The following RALGAPA1 variants were observed in gnomAD, a reference collection of about 807,000 sequenced individuals.
The protein encoded by RALGAPA1 is Ral GTPase activating protein catalytic subunit alpha 1.
A neutral mutation model predicts 269.6 loss-of-function variants in RALGAPA1; 52 were observed. That is an observed-to-expected ratio of 0.19 (90% confidence interval 0.15 to 0.24). RALGAPA1 has a LOEUF of 0.24. Among genes scored for constraint, RALGAPA1 ranks in the 10% least tolerant of loss-of-function variants. The probability of loss-of-function intolerance (pLI) is 1.00; values close to 1 mark genes in which losing one functional copy is unlikely to be tolerated. For missense variants in RALGAPA1, 1,917 were observed against 3,013.9 expected, an observed-to-expected ratio of 0.64 and a Z score of 8.52; for synonymous variants, 817 against 1,008.3, an observed-to-expected ratio of 0.81 and a Z score of 3.60.
intron 3 of RALGAPA1, among the ~76,000 whole-genome samples, chr14:35,771,636 T>C (rs1010550149): frequency 6.6e-6 from 1 of 152,192 alleles, no homozygotes; most frequent in Non-Finnish European, 1.5e-5. Context: ...ATATTTAAAA[T>C]GCTTATTTAC....
intron 4 of RALGAPA1, among the ~76,000 whole-genome samples, chr14:35,769,051 T>C (rs576946211): frequency 4.6e-5 from 5 of 108,282 alleles, no homozygotes; most frequent in Non-Finnish European, 7.1e-5. Context: ...TATATATATA[T>C]ATATATATAT....
intron 10 of RALGAPA1, among the ~76,000 whole-genome samples, chr14:35,745,589 C>A (rs1265374944): frequency 6.6e-6 from 1 of 151,338 alleles, no homozygotes; most frequent in Non-Finnish European, 1.5e-5. Flanking sequence ...CATGGTGAAA[C>A]CCCATCTCTA....
In RALGAPA1 at chr14:35,756,871, G is replaced by A; in HGVS notation, c.585C>T (p.Pro195=). 6.2e-7 allele frequency: 1 copy of A among 1,610,936 alleles called. No homozygotes were observed. Among genetic ancestry groups the A allele is most frequent in the Non-Finnish European group, 8.5e-7 (1 of 1,178,484 alleles). Residue 195 remains proline (P), a synonymous_variant, in exon 7 of 42, where the codon CCC becomes CCT. Coordinates refer to ENST00000680220, the MANE Select transcript of RALGAPA1 (RefSeq NM_001346249.2). The stretch of plus-strand genomic sequence containing the variant: ...CTTGCCCTTTATCTCCTGATTGTGG[G>A]GGGACAAGAGGAGTGATTTCTTCTA... ...VTIEEITPLV[P]PQSGDKGQED... is the part of the protein sequence containing the mutation.
At position 35,612,728 on chromosome 14, in the gene RALGAPA1, T is replaced by C. The variant is rs568257798; in HGVS notation, c.6930-7019A>G. Among the ~76,000 whole-genome samples, 27 of 152,056 alleles carry C rather than the reference T, an allele frequency of 1.8e-4. 1 individual carries two copies. Among genetic ancestry groups the C allele is most frequent in the South Asian group, 1.0e-3 (5 of 4,812 alleles). ...TAATTTTTTGTATTTTTAGTAGAGA[T>C]GGGGTTTCACCATGTTAGCCAGGAT... is the stretch of plus-strand genomic sequence containing the variant. On this transcript the variant is annotated intron_variant, in intron 35 of 41. Transcript: ENST00000680220.
chr14:35,759,154 T>C (rs566767001), intron 6 of RALGAPA1, among the ~76,000 whole-genome samples: 3 of 152,318 alleles, frequency 2.0e-5, no homozygotes, highest in African/African-American at 7.2e-5. Context: ...TAAATAAGCA[T>C]GCATATGTAG....
intron 7 of RALGAPA1, among the ~76,000 whole-genome samples, chr14:35,752,598 C>A (rs1285207992): frequency 6.6e-6 from 1 of 151,938 alleles, no homozygotes; most frequent in African/African-American, 2.4e-5. Context: ...GTACAGTAAC[C>A]CAGTGGTGAC....
intron 26 of RALGAPA1, among the ~76,000 whole-genome samples, chr14:35,670,752 G>A (rs2064339949): frequency 6.6e-6 from 1 of 151,978 alleles, no homozygotes; most frequent in African/African-American, 2.4e-5. Flanking sequence ...GTGAAACCCC[G>A]TCACTACTAA....
At position 35,688,496 on chromosome 14, in the gene RALGAPA1, G is replaced by A; in HGVS notation, c.3915C>T (p.Tyr1305=). 1 of 1,536,088 alleles carries A rather than the reference G, an allele frequency of 6.5e-7. No homozygotes were observed. Among genetic ancestry groups the A allele is most frequent in the East Asian group, 2.4e-5 (1 of 40,918 alleles). The change falls in exon 18 of 42, where the codon TAC becomes TAT. Residue 1305 remains tyrosine (Y), a synonymous_variant. Transcript: ENST00000680220. The part of the protein sequence containing the change: ...MPPEAPLRDL[Y]SHVMGYFGRK... ...TTCCAAAATAGCCCATTACATGACT[G>A]TACAGATCCCTCAGTGGAGCCTCTG...
intron 4 of RALGAPA1, chr14:35,766,032 C>A (rs1453339301): frequency 6.5e-6 from 9 of 1,377,206 alleles, no homozygotes; most frequent in Non-Finnish European, 9.3e-6. Flanking sequence ...TTCAGACTGG[C>A]TGATAACTGG....
intron 39 of RALGAPA1, among the ~76,000 whole-genome samples, chr14:35,554,033 G>T (rs932987164): frequency 1.3e-5 from 2 of 152,134 alleles, no homozygotes; most frequent in Non-Finnish European, 2.9e-5. Context: ...GTAAGCACAG[G>T]AAGAGGGAGT....
intron 10 of RALGAPA1, among the ~76,000 whole-genome samples, chr14:35,746,286 G>A (rs761448060): frequency 1.3e-5 from 2 of 152,136 alleles, no homozygotes; most frequent in Non-Finnish European, 2.9e-5. Flanking sequence ...TGATCAAAAT[G>A]TACAAAGGTT....
At chr14:35,738,116 A>G (rs993702125) in intron 12 of RALGAPA1, among the ~76,000 whole-genome samples, 7 of 151,938 alleles carry the variant, frequency 4.6e-5, no homozygotes, top group African/African-American at 7.3e-5. Flanking sequence ...TCACTGTAGT[A>G]CTATTTGGAA....
At chr14:35,650,951 T>C (rs918415648) in intron 31 of RALGAPA1, among the ~76,000 whole-genome samples, 8 of 151,632 alleles carry the variant, frequency 5.3e-5, no homozygotes, top group African/African-American at 2.0e-4. Context: ...AGGAATTACA[T>C]TTTTCATGTG....
In RALGAPA1 at chr14:35,549,234, G is replaced by A; in HGVS notation, c.7497C>T (p.Phe2499=). 1 of 1,610,692 alleles carries A rather than the reference G, an allele frequency of 6.2e-7. No individual in the cohort carries two copies. The highest frequency in any genetic ancestry group is 8.5e-7 in the Non-Finnish European group (1 of 1,177,864). The change falls in exon 40 of 42, where the codon TTC becomes TTT. Residue 2499 remains phenylalanine (F), a splice_region_variant and synonymous_variant. Coordinates refer to ENST00000680220, the MANE Select transcript of RALGAPA1 (RefSeq NM_001346249.2). ...LKSLIPLYQN[F]YEERARYLQT... is the part of the protein sequence containing the mutation. ...GCAGGTATCGTGCTCTCTCCTCATAGCTGATTTCCTTTGGTTAAGGATAAA... is the reference window on the plus strand; with the variant it reads ...GCAGGTATCGTGCTCTCTCCTCATAACTGATTTCCTTTGGTTAAGGATAAA...
chr14:35,559,368 T>C (rs887903702), intron 39 of RALGAPA1, among the ~76,000 whole-genome samples: 8 of 152,188 alleles, frequency 5.3e-5, no homozygotes, highest in Non-Finnish European at 1.2e-4. Context: ...AGCATCTGAA[T>C]CTACAGTTGT....
chr14:35,638,295 TAGAA>T (rs1394156914), intron 31 of RALGAPA1, among the ~76,000 whole-genome samples: 2 of 151,980 alleles, frequency 1.3e-5, no homozygotes, highest in Non-Finnish European at 2.9e-5. Context: ...AAGATATAAA[TAGAA>T]AGAATAAAAA....
At chr14:35,783,300 G>A (rs549908910) in intron 1 of RALGAPA1, among the ~76,000 whole-genome samples, 31 of 151,726 alleles carry the variant, frequency 2.0e-4, no homozygotes, top group Non-Finnish European at 2.9e-4. Flanking sequence ...ACTCAAGGAG[G>A]AAAAGGAGGG....
chr14:35,625,494 G>C (rs1315053940), intron 34 of RALGAPA1, 62 bp from the exon 35 acceptor site: 1 of 1,239,748 alleles, frequency 8.1e-7, no homozygotes, highest in Non-Finnish European at 1.1e-6. Flanking sequence ...GACAGTCCCG[G>C]AAATACTTTC....
chr14:35,800,860 C>G (rs552168182), intron 1 of RALGAPA1, among the ~76,000 whole-genome samples: 2 of 152,096 alleles, frequency 1.3e-5, no homozygotes, highest in African/African-American at 4.8e-5. Context: ...CAAAAATTAG[C>G]CAGGCGGGGT....
Sources: allele counts gnomAD v4.1 joint callset (sites outside exome capture counted in the v4.1 genomes callset), GRCh38; gene constraint gnomAD v4.1.1; transcripts MANE v1.5; gene names NCBI Gene and HGNC (gene_info 2026-07-23, HGNC 2026-07-21).